Variants in RAVER2 observed in about 807,000 individuals in gnomAD.
RAVER2 encodes the protein ribonucleoprotein PTB-binding 2.
A neutral mutation model predicts 78.1 loss-of-function variants in RAVER2; 46 were observed. The ratio of observed to expected loss-of-function variants is 0.59; its 90% CI spans 0.46 to 0.75. RAVER2 has a LOEUF of 0.75. Among genes scored for constraint, RAVER2 ranks in the 30% least tolerant of loss-of-function variants. RAVER2 has a pLI of 0.00. For missense variants in RAVER2, 793 were observed against 837.5 expected (o/e 0.95, Z 0.66); for synonymous variants, 311 against 313.3 (o/e 0.99, Z 0.08).
rs1651978820 is a variant in RAVER2, at chr1:64,760,084, T to A, written c.250-8572T>A. On this transcript the variant is annotated intron_variant, in intron 1 of 11. Coordinates refer to ENST00000294428, the Ensembl canonical transcript of RAVER2. Reference sequence around the variant, plus strand: ...AAGCAGTTAAAATATGGATGATAGCTGCTGTAAGGGTTGTGATGTGGAAAA... The same window carrying A: ...AAGCAGTTAAAATATGGATGATAGCAGCTGTAAGGGTTGTGATGTGGAAAA... Among the ~76,000 whole-genome samples the A allele has an allele frequency of 7.4e-5, 11 of 148,786 alleles. No individual in the cohort carries two copies. The South Asian group carries it at 2.3e-3, about 32-fold the overall frequency.
At chr1:64,763,404 A>T (rs1475974862) in intron 1 of RAVER2, among the ~76,000 whole-genome samples, 1 of 152,236 alleles carries the variant, frequency 6.6e-6, no homozygotes, top group African/African-American at 2.4e-5. Flanking sequence ...ATGGCATATT[A>T]AAAGGTCAGT....
chr1:64,748,827 ATTCC>A (rs1651615607), intron 1 of RAVER2, among the ~76,000 whole-genome samples: 1 of 151,990 alleles, frequency 6.6e-6, no homozygotes, highest in Non-Finnish European at 1.5e-5. Flanking sequence ...TTCCAGTCTC[ATTCC>A]TTTTTAGTTT....
intron 1 of RAVER2, among the ~76,000 whole-genome samples, chr1:64,765,225 A>G (rs1354090062): frequency 6.6e-6 from 1 of 152,222 alleles, no homozygotes; most frequent in African/African-American, 2.4e-5. Context: ...GATCATATGC[A>G]TACGTACACC....
chr1:64,765,337 A>G (rs1338999123), intron 1 of RAVER2, among the ~76,000 whole-genome samples: 1 of 152,234 alleles, frequency 6.6e-6, no homozygotes, highest in Non-Finnish European at 1.5e-5. Flanking sequence ...CAAACAGTGA[A>G]CAACAACCTG....
At chr1:64,814,954 C>A in intron 11 of RAVER2, 114 bp downstream of exon 11, 2 of 915,412 alleles carry the variant, frequency 2.2e-6, no homozygotes, top group Non-Finnish European at 3.0e-6. Flanking sequence ...AATCAAATTG[C>A]ACTGATCTAT....
intron 11 of RAVER2, among the ~76,000 whole-genome samples, chr1:64,823,027 AAGG>A (rs1266674114): frequency 6.6e-6 from 1 of 152,170 alleles, no homozygotes; most frequent in Non-Finnish European, 1.5e-5. Context: ...GGGCTGGAGG[AAGG>A]AGGAGTTGGG....
intron 11 of RAVER2, among the ~76,000 whole-genome samples, chr1:64,822,255 T>G (rs984123565): frequency 1.1e-4 from 17 of 152,156 alleles, no homozygotes; most frequent in Admixed American, 2.0e-4. Context: ...GCCACTGCAC[T>G]CCAGCCCAGG....
In RAVER2 at chr1:64,745,498, G is replaced by A; in HGVS notation, c.249+77G>A. The A allele has an allele frequency of 7.0e-7, 1 of 1,425,666 alleles. No individual in the cohort carries two copies. The highest frequency in any genetic ancestry group is 9.3e-7 in the Non-Finnish European group (1 of 1,074,234). 88.3% of individuals were successfully genotyped at this position (1,425,666 alleles called of 1,614,324 possible). A position where few individuals can be genotyped will look rare whatever the true frequency, so the allele number is the denominator to read the frequency against. ...CTCCGTGTCCAGGCTGGGATCGGGG[G>A]CGCCTCAGAGCGGTCCTGGGGAGTG... On this transcript the variant is annotated intron_variant, in intron 1 of 11. Transcript: ENST00000294428. The surrounding 1 kb of genome is among the most constrained non-coding windows in gnomAD (Gnocchi z 4.3).
chr1:64,748,131 T>C (rs1472930758), intron 1 of RAVER2, among the ~76,000 whole-genome samples: 1 of 152,202 alleles, frequency 6.6e-6, no homozygotes, highest in African/African-American at 2.4e-5. Flanking sequence ...AAATACCTTA[T>C]AGAAGTACCG....
chr1:64,824,773 T>C (rs1653966939), intron 11 of RAVER2, among the ~76,000 whole-genome samples: 1 of 149,276 alleles, frequency 6.7e-6, no homozygotes, highest in African/African-American at 2.5e-5. Context: ...CTACAGAAAA[T>C]ACAAAAAATT....
chr1:64,761,233 A>G (rs1448638802), intron 1 of RAVER2, among the ~76,000 whole-genome samples: 1 of 152,238 alleles, frequency 6.6e-6, no homozygotes, highest in Non-Finnish European at 1.5e-5. Context: ...CTTTCCAGCC[A>G]AAACCCTGCA....
intron 4 of RAVER2, among the ~76,000 whole-genome samples, chr1:64,783,540 GAAGACATTTGT>G (rs1223516672): frequency 2.6e-5 from 4 of 152,154 alleles, no homozygotes; most frequent in Non-Finnish European, 1.5e-5. Flanking sequence ...CTTTTGAGAA[GAAGACATTTGT>G]TGTCTGTTCA....
chr1:64,751,360 A>G (rs181289060), intron 1 of RAVER2, among the ~76,000 whole-genome samples: 10 of 152,320 alleles, frequency 6.6e-5, no homozygotes, highest in Admixed American at 5.9e-4. Flanking sequence ...TCAAATCATC[A>G]GTAGGTACTC....
chr1:64,797,209 A>G (rs979796681), intron 5 of RAVER2, among the ~76,000 whole-genome samples: 1 of 152,200 alleles, frequency 6.6e-6, no homozygotes, highest in African/African-American at 2.4e-5. Context: ...TGTTCTATAC[A>G]CGTCAGTTAG....
chr1:64,776,274 GC>G (rs1179435915), intron 2 of RAVER2, among the ~76,000 whole-genome samples: 2 of 152,164 alleles, frequency 1.3e-5, no homozygotes, highest in Non-Finnish European at 1.5e-5. Context: ...CTAAGAGATA[GC>G]CTTTTAATAA....
chr1:64,823,357 T>G (rs1380047287), intron 11 of RAVER2, among the ~76,000 whole-genome samples: 1 of 152,202 alleles, frequency 6.6e-6, no homozygotes. Context: ...GAATTGCCAT[T>G]GAGCTGTGAA....
At chr1:64,763,987 T>A (rs1652104722) in intron 1 of RAVER2, among the ~76,000 whole-genome samples, 1 of 151,220 alleles carries the variant, frequency 6.6e-6, no homozygotes, top group Admixed American at 6.6e-5. Context: ...TTCTACTCCT[T>A]AGTATATTCT....
chr1:64,805,038 A>G (rs191452126), exon 8 of RAVER2: 114 of 1,614,034 alleles, frequency 7.1e-5, no homozygotes, highest in Admixed American at 2.0e-4. Flanking sequence ...TTCAGACTGC[A>G]CTAGGGATAG....
chr1:64,781,271 C>G (rs1652617935), intron 3 of RAVER2, 109 bp from the exon 4 acceptor site: 2 of 950,766 alleles, frequency 2.1e-6, no homozygotes, highest in Admixed American at 2.9e-5. Context: ...TTATTTCCAC[C>G]AGTATCATGC....
Sources: gnomAD v4.1 joint callset for allele counts (sites outside exome capture counted in the v4.1 genomes callset) on GRCh38, gnomAD v4.1.1 for gene constraint, Gnocchi (gnomAD v3.1) non-coding constraint, MANE v1.5 for transcripts, NCBI Gene and HGNC (gene_info 2026-07-23, HGNC 2026-07-21) for gene names.